The following SLC39A10 variants were observed in gnomAD, a reference collection of about 807,000 sequenced individuals.
SLC39A10 encodes the protein solute carrier family 39 member 10.
In SLC39A10, 13 loss-of-function variants were observed where a neutral mutation model predicts 65.1. The ratio of observed to expected loss-of-function variants is 0.20; its 90% CI spans 0.13 to 0.32. The LOEUF is 0.32. Ranked by LOEUF, SLC39A10 falls within the 10% of genes least tolerant of loss-of-function variation. SLC39A10 has a pLI of 1.00. For synonymous variants in SLC39A10, 321 were observed against 342.2 expected (o/e 0.94, Z 0.68); for missense variants, 831 against 1,018.4 (o/e 0.82, Z 2.50).
At chr2:195,699,347 T>G (rs1691092086) in intron 3 of SLC39A10, among the ~76,000 whole-genome samples, 1 of 151,892 alleles carries the variant, frequency 6.6e-6, no homozygotes, top group Non-Finnish European at 1.5e-5. Context: ...ATTTTGTTCT[T>G]CTTTTTCTAG....
upstream of SLC39A10, chr2:195,656,755 ACT>A (rs1282853488): frequency 6.6e-6 from 1 of 152,158 alleles, no homozygotes; most frequent in Non-Finnish European, 1.5e-5. Flanking sequence ...CCAGTTGATC[ACT>A]CTGAAGCTTT....
intron 1 of SLC39A10, among the ~76,000 whole-genome samples, chr2:195,661,595 G>C (rs973585147): frequency 1.3e-5 from 2 of 152,168 alleles, no homozygotes; most frequent in African/African-American, 4.8e-5. Flanking sequence ...ACAATGTTCA[G>C]ACATGTTAAA....
chr2:195,662,996 T>C (rs947908281), intron 1 of SLC39A10, among the ~76,000 whole-genome samples: 1 of 152,212 alleles, frequency 6.6e-6, no homozygotes, highest in Non-Finnish European at 1.5e-5. Flanking sequence ...GGAATTATGC[T>C]TTATTATGCT....
chr2:195,706,842 G>C (rs1411731870), intron 4 of SLC39A10, 57 bp downstream of exon 4: 1 of 1,285,042 alleles, frequency 7.8e-7, no homozygotes, highest in Non-Finnish European at 1.0e-6. Context: ...TAAGCTGAAA[G>C]GGTCCTTCAT....
chr2:195,681,675 T>G (rs1690331011), intron 2 of SLC39A10, among the ~76,000 whole-genome samples: 1 of 152,184 alleles, frequency 6.6e-6, no homozygotes, highest in African/African-American at 2.4e-5. Flanking sequence ...TGTTTTAATG[T>G]TGTTAGAAAA....
chr2:195,698,069 G>A (rs1481600595), intron 3 of SLC39A10, among the ~76,000 whole-genome samples: 3 of 151,256 alleles, frequency 2.0e-5, no homozygotes, highest in Non-Finnish European at 4.4e-5. Context: ...TTTGTATCCC[G>A]CTATTTTGCT....
chr2:195,672,019 A>C (rs1689880627), intron 1 of SLC39A10, among the ~76,000 whole-genome samples: 1 of 152,016 alleles, frequency 6.6e-6, no homozygotes, highest in African/African-American at 2.4e-5. Flanking sequence ...ACTGTTATTG[A>C]GAGAGACAAA....
At chr2:195,690,950 A>G (rs1300219501) in intron 3 of SLC39A10, among the ~76,000 whole-genome samples, 1 of 152,142 alleles carries the variant, frequency 6.6e-6, no homozygotes, top group African/African-American at 2.4e-5. Context: ...TGTTGCACCC[A>G]TCACCCAACC....
chr2:195,635,130 C>T (rs1688672669), intron 2 of SLC39A10, among the ~76,000 whole-genome samples: 1 of 152,112 alleles, frequency 6.6e-6, no homozygotes, highest in South Asian at 2.1e-4. Flanking sequence ...TTCATTTTTC[C>T]ACTTTCCCAA....
intron 2 of SLC39A10, among the ~76,000 whole-genome samples, chr2:195,633,494 T>G (rs1688635455): frequency 6.6e-6 from 1 of 152,222 alleles, no homozygotes; most frequent in African/African-American, 2.4e-5. Context: ...TCTGCCTTTT[T>G]GTGTGAGATA....
At chr2:195,681,866 G>T (rs979307245) in intron 2 of SLC39A10, among the ~76,000 whole-genome samples, 1 of 151,992 alleles carries the variant, frequency 6.6e-6, no homozygotes, top group African/African-American at 2.4e-5. Context: ...CTATTGAGTG[G>T]TTCCAAGTCA....
At chr2:195,694,561 G>A (rs1412032475) in intron 3 of SLC39A10, among the ~76,000 whole-genome samples, 1 of 152,198 alleles carries the variant, frequency 6.6e-6, no homozygotes, top group Non-Finnish European at 1.5e-5. Context: ...GCTCCAGGCT[G>A]GTACTAGGGA....
chr2:195,724,176 G>T (rs1239692656), intron 8 of SLC39A10, among the ~76,000 whole-genome samples: 1 of 152,112 alleles, frequency 6.6e-6, no homozygotes, highest in African/African-American at 2.4e-5. Flanking sequence ...CTCAGTAGTG[G>T]ATGTTAACAG....
chr2:195,677,636 A>C (rs1690144403), intron 1 of SLC39A10, among the ~76,000 whole-genome samples: 1 of 151,314 alleles, frequency 6.6e-6, no homozygotes, highest in East Asian at 1.9e-4. Flanking sequence ...TTTTCCCAAT[A>C]TTTGTGAAAT....
Position 195,728,739 on chromosome 2 carries a change from G to A in SLC39A10, c.2337+390G>A, listed in dbSNP as rs1316899914. ...AGGTAAGCCAGTCTTCTGGAAGGAAGTGGTATATATTCCATAGGATTTATG... is the reference window on the plus strand; with the variant it reads ...AGGTAAGCCAGTCTTCTGGAAGGAAATGGTATATATTCCATAGGATTTATG... On this transcript the variant is annotated intron_variant, in intron 9 of 9. Transcript: ENST00000359634. The surrounding 1 kb of genome is among the most constrained non-coding windows in gnomAD (Gnocchi z 4.4). Among the ~76,000 whole-genome samples, 1 of 152,166 alleles carries A rather than the reference G, an allele frequency of 6.6e-6. No homozygotes were observed. Among genetic ancestry groups the A allele is most frequent in the Non-Finnish European group, 1.5e-5 (1 of 68,034 alleles).
intron 1 of SLC39A10, chr2:195,670,615 TAG>T (rs966998898): frequency 1.3e-5 from 2 of 152,216 alleles, no homozygotes; most frequent in Admixed American, 1.3e-4. Flanking sequence ...CAATATTTTT[TAG>T]AGTGTGTGTA....
intron 2 of SLC39A10, among the ~76,000 whole-genome samples, chr2:195,681,824 C>G (rs1690336625): frequency 6.6e-6 from 1 of 152,038 alleles, no homozygotes; most frequent in Non-Finnish European, 1.5e-5. Context: ...AGAACAGTTT[C>G]TAGTTCATAA....
intron 2 of SLC39A10, among the ~76,000 whole-genome samples, chr2:195,634,970 C>T (rs565493860): frequency 9.2e-5 from 14 of 152,270 alleles, no homozygotes; most frequent in African/African-American, 3.1e-4. Context: ...ATTGGTTGAA[C>T]CTGGGAGGTG....
intron 3 of SLC39A10, among the ~76,000 whole-genome samples, chr2:195,697,102 G>A (rs1339987295): frequency 6.6e-6 from 1 of 152,138 alleles, no homozygotes; most frequent in Non-Finnish European, 1.5e-5. Flanking sequence ...GGTCTTAACT[G>A]TCTCAGGGGT....
Sources: gnomAD v4.1 joint callset for allele counts (sites outside exome capture counted in the v4.1 genomes callset) on GRCh38, gnomAD v4.1.1 for gene constraint, Gnocchi (gnomAD v3.1) non-coding constraint, MANE v1.5 for transcripts, NCBI Gene and HGNC (gene_info 2026-07-23, HGNC 2026-07-21) for gene names.